Variants in LRIG1 observed in about 807,000 individuals in gnomAD.
The protein encoded by LRIG1 is leucine-rich repeats and immunoglobulin-like domains protein 1.
Under a neutral mutation model 99.2 loss-of-function variants are expected in LRIG1, and 48 were observed. The ratio of observed to expected loss-of-function variants is 0.48; its 90% CI spans 0.38 to 0.62. The LOEUF (loss-of-function observed/expected upper bound fraction) is 0.62. Among genes scored for constraint, LRIG1 ranks in the 20% least tolerant of loss-of-function variants. The pLI is 0.00. For synonymous variants in LRIG1, 772 were observed against 596.1 expected (o/e 1.29, Z -4.30); for missense variants, 1,646 against 1,434.4 (o/e 1.15, Z -2.38).
chr3:66,433,459 T>C (rs2106751298), intron 3 of LRIG1, among the ~76,000 whole-genome samples: 1 of 152,360 alleles, frequency 6.6e-6, no homozygotes, highest in Non-Finnish European at 1.5e-5. Context: ...ACATGCCAGC[T>C]TCCTGACAGC....
intron 9 of LRIG1, among the ~76,000 whole-genome samples, chr3:66,400,972 C>T (rs974821673): frequency 3.3e-5 from 5 of 152,114 alleles, no homozygotes; most frequent in Admixed American, 6.5e-5. Context: ...CCTGACCCTC[C>T]GTTTCATCAG....
At chr3:66,482,344 A>G (rs1475856072) in intron 1 of LRIG1, among the ~76,000 whole-genome samples, 1 of 152,228 alleles carries the variant, frequency 6.6e-6, no homozygotes, top group Non-Finnish European at 1.5e-5. Context: ...CAAAGACCAC[A>G]GTGGAGGACA....
In LRIG1 at chr3:66,380,632, G is replaced by C; in HGVS notation, c.3000C>G (p.His1000Gln). 6.2e-7 allele frequency: 1 copy of C among 1,614,130 alleles called. No individual in the cohort carries two copies. The highest frequency in any genetic ancestry group is 1.1e-5 in the South Asian group (1 of 91,086). ...TCTTCACAGCCGTCAGCATTCTATC[G>C]TGGTTACTGGGGTAGAGCGACCCTT... ...ECQGSLYPSN[H>Q]DRMLTAVKKK... Residue 1000 changes from histidine to glutamine, a missense_variant, in exon 18 of 19, where the codon CAC becomes CAG. Transcript: ENST00000273261.
chr3:66,483,323 G>C (rs1002766375), intron 1 of LRIG1, among the ~76,000 whole-genome samples: 43 of 152,348 alleles, frequency 2.8e-4, no homozygotes, highest in Non-Finnish European at 4.6e-4. Context: ...CTGAGGATGG[G>C]GGTGGGGGCC....
intron 9 of LRIG1, among the ~76,000 whole-genome samples, chr3:66,399,470 G>A (rs140240367): frequency 1.7e-3 from 252 of 152,204 alleles, no homozygotes; most frequent in African/African-American, 5.2e-3. Flanking sequence ...AAAAATCTTC[G>A]GAATTAAAAC....
chr3:66,407,234 G>T, intron 8 of LRIG1, 114 bp downstream of exon 8: 2 of 1,122,422 alleles, frequency 1.8e-6, no homozygotes, highest in Non-Finnish European at 2.6e-6. Flanking sequence ...GCCAGCTTTG[G>T]ATCCAATTCT....
intron 3 of LRIG1, among the ~76,000 whole-genome samples, chr3:66,431,657 A>G (rs1703177027): frequency 6.6e-6 from 1 of 152,200 alleles, no homozygotes; most frequent in Admixed American, 6.5e-5. Flanking sequence ...GACATGAGCT[A>G]TTGTGGTTTC....
At chr3:66,390,620 TGTAAG>T (rs1232136945) in intron 12 of LRIG1, among the ~76,000 whole-genome samples, 3 of 152,106 alleles carry the variant, frequency 2.0e-5, no homozygotes, top group Admixed American at 6.5e-5. Flanking sequence ...TCCAAAAAAT[TGTAAG>T]GAAATGGCAA....
At chr3:66,422,803 CA>C (rs1373168828) in intron 3 of LRIG1, among the ~76,000 whole-genome samples, 1 of 152,308 alleles carries the variant, frequency 6.6e-6, no homozygotes, top group African/African-American at 2.4e-5. Context: ...AAAGACTGGG[CA>C]ATTTACAAAA....
intron 1 of LRIG1, among the ~76,000 whole-genome samples, chr3:66,491,255 C>G (rs1701095328): frequency 6.6e-6 from 1 of 152,202 alleles, no homozygotes; most frequent in African/African-American, 2.4e-5. Flanking sequence ...CTAATTATCC[C>G]TCTACTAAAC....
chr3:66,446,415 T>C (rs573169900), intron 3 of LRIG1, among the ~76,000 whole-genome samples: 7 of 151,316 alleles, frequency 4.6e-5, no homozygotes, highest in African/African-American at 1.5e-4. Flanking sequence ...TTTTTTTTTT[T>C]TTTTTTTTGA....
At chr3:66,395,563 A>G (rs1279865141) in intron 11 of LRIG1, among the ~76,000 whole-genome samples, 2 of 152,246 alleles carry the variant, frequency 1.3e-5, no homozygotes, top group Non-Finnish European at 1.5e-5. Context: ...CAAGGCCATT[A>G]TAACTGGGAT....
At chr3:66,462,007 G>A (rs1700364833) in intron 2 of LRIG1, among the ~76,000 whole-genome samples, 1 of 152,178 alleles carries the variant, frequency 6.6e-6, no homozygotes, top group Non-Finnish European at 1.5e-5. Context: ...CACATTGGGA[G>A]GCCAAGGCGC....
intron 4 of LRIG1, 115 bp from the exon 5 acceptor site, chr3:66,415,178 G>T: frequency 1.9e-6 from 2 of 1,054,728 alleles, no homozygotes; most frequent in South Asian, 1.8e-5. Context: ...ACACCAGAGG[G>T]ACAGGTTTCC....
At chr3:66,486,949 T>A (rs1459763129) in intron 1 of LRIG1, among the ~76,000 whole-genome samples, 1 of 152,198 alleles carries the variant, frequency 6.6e-6, no homozygotes, top group Non-Finnish European at 1.5e-5. Context: ...AGGAAAAACT[T>A]GGAATTCCCT....
At chr3:66,385,290 G>C (rs2107935769) in intron 13 of LRIG1, among the ~76,000 whole-genome samples, 1 of 152,272 alleles carries the variant, frequency 6.6e-6, no homozygotes, top group East Asian at 1.9e-4. Context: ...ACAGTCTCTG[G>C]AGCAGTAGCT....
At chr3:66,400,181 G>A (rs1288671536) in intron 9 of LRIG1, among the ~76,000 whole-genome samples, 1 of 152,192 alleles carries the variant, frequency 6.6e-6, no homozygotes, top group East Asian at 1.9e-4. Flanking sequence ...CAAAGTCTGC[G>A]CCCCTGCAGA....
At chr3:66,405,307 G>A (rs375281047) in intron 8 of LRIG1, 29 bp from the exon 9 acceptor site, 11 of 1,572,940 alleles carry the variant, frequency 7.0e-6, no homozygotes, top group Admixed American at 5.0e-5. Context: ...GCAGCTCACC[G>A]AGCAGTCGGG....
Position 66,380,674 on chromosome 3 carries a change from C to G in LRIG1, c.2958G>C (p.Gly986=), listed in dbSNP as rs1402695995. The change falls in exon 18 of 19, where the codon GGG becomes GGC. Residue 986 remains glycine (G), a synonymous_variant. Transcript: ENST00000273261. ...GCGACCCTTGGCACTCGGGGCAGGA[C>G]CCAGCGGCAGTCCTGCTGCACTGGT... The part of the protein sequence containing the change: ...PHHQCSRTAA[G]SCPECQGSLY... 1 of 1,614,066 alleles carries G rather than the reference C, an allele frequency of 6.2e-7. No homozygotes were observed. The highest frequency in any genetic ancestry group is 1.3e-5 in the African/African-American group (1 of 74,930).
Sources: allele counts gnomAD v4.1 joint callset (sites outside exome capture counted in the v4.1 genomes callset), GRCh38; gene constraint gnomAD v4.1.1; transcripts MANE v1.5; gene names NCBI Gene and HGNC (gene_info 2026-07-23, HGNC 2026-07-21).